The following OPCML variants were observed in gnomAD, a reference collection of about 807,000 sequenced individuals.
OPCML encodes opioid binding protein/cell adhesion molecule like.
OPCML carries 13 observed loss-of-function variants against 37.8 expected under a neutral mutation model. The ratio of observed to expected loss-of-function variants is 0.34; its 90% CI spans 0.22 to 0.55. OPCML has a LOEUF of 0.55. Ranked by LOEUF, OPCML falls within the 20% of genes least tolerant of loss-of-function variation. The pLI, the probability that OPCML is intolerant of heterozygous loss-of-function variation, is 0.91. For synonymous variants in OPCML, 176 were observed against 168.8 expected, an observed-to-expected ratio of 1.04 and a Z score of -0.33; for missense variants, 341 against 435.6, an observed-to-expected ratio of 0.78 and a Z score of 1.93.
At chr11:132,941,148 C>G (rs190877721) in intron 2 of OPCML, among the ~76,000 whole-genome samples, 1 of 152,138 alleles carries the variant, frequency 6.6e-6, no homozygotes, top group Non-Finnish European at 1.5e-5. Flanking sequence ...CATTCCCATT[C>G]CCAAGCCCAG....
At chr11:132,553,547 G>A (rs1163021373) in intron 3 of OPCML, among the ~76,000 whole-genome samples, 2 of 152,178 alleles carry the variant, frequency 1.3e-5, no homozygotes, top group African/African-American at 2.4e-5. Flanking sequence ...CTGTGAGGCA[G>A]AGAAATAAAA....
intron 1 of OPCML, among the ~76,000 whole-genome samples, chr11:133,239,815 C>A (rs1940657710): frequency 6.6e-6 from 1 of 152,108 alleles, no homozygotes; most frequent in African/African-American, 2.4e-5. Context: ...CTCAGGAACA[C>A]AAAAGATCCC....
chr11:133,394,863 G>T (rs1267194577), intron 1 of OPCML, among the ~76,000 whole-genome samples: 2 of 152,130 alleles, frequency 1.3e-5, no homozygotes, highest in Non-Finnish European at 2.9e-5. Context: ...TTGATGTACC[G>T]ATTTCCTTTC....
At chr11:132,484,105 G>A (rs1421880919) in intron 4 of OPCML, among the ~76,000 whole-genome samples, 1 of 152,004 alleles carries the variant, frequency 6.6e-6, no homozygotes. Context: ...CACAGCAAAA[G>A]AAACTACCTT....
intron 2 of OPCML, among the ~76,000 whole-genome samples, chr11:132,908,724 A>G (rs1182320853): frequency 6.6e-6 from 1 of 152,252 alleles, no homozygotes; most frequent in Non-Finnish European, 1.5e-5. Flanking sequence ...TTAGAAAGAC[A>G]TAGCGCATTG....
chr11:132,901,083 G>C (rs1022669887), intron 2 of OPCML, among the ~76,000 whole-genome samples: 11 of 152,088 alleles, frequency 7.2e-5, no homozygotes, highest in African/African-American at 2.7e-4. Context: ...GGGAAGCTGA[G>C]GCAGGAGAAT....
intron 1 of OPCML, among the ~76,000 whole-genome samples, chr11:133,079,721 C>T (rs1271614526): frequency 2.0e-5 from 3 of 152,060 alleles, no homozygotes; most frequent in African/African-American, 7.2e-5. Flanking sequence ...TGTGAATTCA[C>T]AAATTCACCA....
intron 1 of OPCML, among the ~76,000 whole-genome samples, chr11:133,398,331 C>A (rs954165663): frequency 6.6e-6 from 1 of 152,174 alleles, no homozygotes; most frequent in African/African-American, 2.4e-5. Context: ...TATGTCCCAG[C>A]GTAGCCATTT....
At position 133,169,824 on chromosome 11, in the gene OPCML, T is replaced by C. The variant is rs73596460; in HGVS notation, c.62-226814A>G. Among the ~76,000 whole-genome samples, 1,409 of 152,270 alleles carry C rather than the reference T, an allele frequency of 9.3e-3. 20 individuals are homozygous for C. Among genetic ancestry groups the C allele is most frequent in the African/African-American group, 0.031 (1,269 of 41,550 alleles). On this transcript the variant is annotated intron_variant, in intron 1 of 7. Coordinates refer to ENST00000524381, the MANE Select transcript of OPCML (RefSeq NM_001012393.5). ...TGGGGGCCCACTTAGAATGGTGATA[T>C]ATGTAATTTGGGAAAAAATCATATT...
At position 133,205,102 on chromosome 11, in the gene OPCML, C is replaced by A. The variant is rs1197369420; in HGVS notation, c.62-262092G>T. ...TGATTAAATAATTGGAACTTTCTGTCCCACCCTCTTCTTCCTGGGAGGGGA... is the reference window on the plus strand; with the variant it reads ...TGATTAAATAATTGGAACTTTCTGTACCACCCTCTTCTTCCTGGGAGGGGA... On this transcript the variant is annotated intron_variant, in intron 1 of 7. Coordinates refer to ENST00000524381, the MANE Select transcript of OPCML (RefSeq NM_001012393.5). The surrounding 1 kb of genome is among the most constrained non-coding windows in gnomAD (Gnocchi z 4.8). 6.6e-6 allele frequency among the ~76,000 whole-genome samples: 1 copy of A among 151,766 alleles called. No individual in the cohort carries two copies. The highest frequency in any genetic ancestry group is 2.4e-5 in the African/African-American group (1 of 41,332).
chr11:132,760,728 C>T (rs1056713764), intron 2 of OPCML, among the ~76,000 whole-genome samples: 1 of 151,890 alleles, frequency 6.6e-6, no homozygotes, highest in Non-Finnish European at 1.5e-5. Context: ...GAATACAGCA[C>T]ACTGATGGGT....
chr11:132,548,493 C>A (rs562679772), intron 3 of OPCML, among the ~76,000 whole-genome samples: 5 of 152,270 alleles, frequency 3.3e-5, no homozygotes, highest in African/African-American at 1.2e-4. Context: ...CTGCTCATTT[C>A]CCTCTCAATT....
chr11:132,434,344 T>C (rs2096006535), intron 7 of OPCML, among the ~76,000 whole-genome samples: 1 of 152,130 alleles, frequency 6.6e-6, no homozygotes, highest in Non-Finnish European at 1.5e-5. Flanking sequence ...CTTAGAACAG[T>C]AGGGTTGAGG....
intron 1 of OPCML, among the ~76,000 whole-genome samples, chr11:133,306,701 G>A (rs1415460245): frequency 6.6e-6 from 1 of 152,164 alleles, no homozygotes. Context: ...TAAGAGTTCA[G>A]TTAAATGATG....
At chr11:133,340,060 G>A in intron 1 of OPCML, among the ~76,000 whole-genome samples, 1 of 152,128 alleles carries the variant, frequency 6.6e-6, no homozygotes, top group South Asian at 2.1e-4. Context: ...GAAAAAAAAT[G>A]TTTCCTTTTC....
intron 2 of OPCML, among the ~76,000 whole-genome samples, chr11:132,825,770 A>C (rs1201545661): frequency 2.0e-5 from 3 of 152,190 alleles, no homozygotes; most frequent in Admixed American, 2.0e-4. Context: ...AATGTCTGTT[A>C]GTTTAACAAA....
At chr11:133,257,750 C>A (rs1565533499) in intron 1 of OPCML, among the ~76,000 whole-genome samples, 1 of 152,082 alleles carries the variant, frequency 6.6e-6, no homozygotes, top group African/African-American at 2.4e-5. Context: ...ATGACTTATG[C>A]CAACCATTCA....
At chr11:132,893,405 G>A (rs1943725871) in intron 2 of OPCML, among the ~76,000 whole-genome samples, 2 of 152,188 alleles carry the variant, frequency 1.3e-5, no homozygotes, top group Admixed American at 1.3e-4. Context: ...CCTATTTGCT[G>A]CTGCTGGGCA....
chr11:132,602,002 C>T (rs1014164917), intron 3 of OPCML, among the ~76,000 whole-genome samples: 2 of 152,110 alleles, frequency 1.3e-5, no homozygotes, highest in Admixed American at 1.3e-4. Flanking sequence ...TTCATGTCTG[C>T]TCAAAAAGAC....
Sources: gnomAD v4.1 joint callset for allele counts (sites outside exome capture counted in the v4.1 genomes callset) on GRCh38, gnomAD v4.1.1 for gene constraint, Gnocchi (gnomAD v3.1) non-coding constraint, MANE v1.5 for transcripts, NCBI Gene and HGNC (gene_info 2026-07-23, HGNC 2026-07-21) for gene names.